The following BAIAP2 variants were observed in gnomAD, a reference collection of about 807,000 sequenced individuals.
BAIAP2 encodes BAR/IMD domain containing adaptor protein 2.
BAIAP2 carries 18 observed loss-of-function variants against 63.0 expected under a neutral mutation model. The observed-to-expected ratio is 0.29, with a 90% CI of 0.20 to 0.42. BAIAP2 has a LOEUF of 0.42. Among genes scored for constraint, BAIAP2 ranks in the 10% least tolerant of loss-of-function variants. The pLI is 1.00. For missense variants in BAIAP2, 610 were observed against 734.3 expected (o/e 0.83, Z 1.96); for synonymous variants, 386 against 307.6 (o/e 1.25, Z -2.67).
intron 1 of BAIAP2, among the ~76,000 whole-genome samples, chr17:81,050,648 G>T (rs1033907801): frequency 6.6e-6 from 1 of 151,796 alleles, no homozygotes; most frequent in Non-Finnish European, 1.5e-5. Flanking sequence ...GCCCACCTCC[G>T]TGGTAGTGTT....
At position 81,115,839 on chromosome 17, in the gene BAIAP2, ATGGCCACATCTGCAGTGCTGCCCATCTGG is replaced by A; in HGVS notation, c.*5_*33del. ...ACAGGTCTGCCCCCCTCCTCAGCTG[ATGGCCACATCTGCAGTGCTGCCCATCTGG>A]TGGCTTCCCCCGCCCTTCCCATGTA... On this transcript the variant is annotated 3_prime_UTR_variant, in exon 14 of 14. Transcript: ENST00000428708. 2 of 1,613,224 alleles carry A rather than the reference ATGGCCACATCTGCAGTGCTGCCCATCTGG, an allele frequency of 1.2e-6. No individual in the cohort carries two copies. Among genetic ancestry groups the A allele is most frequent in the South Asian group, 2.2e-5 (2 of 91,072 alleles).
intron 6 of BAIAP2, among the ~76,000 whole-genome samples, chr17:81,090,231 C>A (rs1361041369): frequency 3.3e-5 from 5 of 152,192 alleles, no homozygotes; most frequent in Non-Finnish European, 1.5e-5. Context: ...CTCAGTTTCC[C>A]CATTTGTGAG....
intron 3 of BAIAP2, among the ~76,000 whole-genome samples, chr17:81,066,507 C>A (rs959673198): frequency 2.0e-5 from 3 of 152,196 alleles, no homozygotes; most frequent in Non-Finnish European, 4.4e-5. Flanking sequence ...GGGCCTGGGG[C>A]CCCCACAGGT....
intron 1 of BAIAP2, among the ~76,000 whole-genome samples, chr17:81,035,720 G>A (rs1223176979): frequency 6.6e-6 from 1 of 151,940 alleles, no homozygotes; most frequent in East Asian, 1.9e-4. Context: ...GGCGGCGGGG[G>A]CGGCGGGCCC....
chr17:81,098,354 C>T (rs748468163), intron 6 of BAIAP2, among the ~76,000 whole-genome samples: 3 of 152,172 alleles, frequency 2.0e-5, no homozygotes, highest in Admixed American at 6.5e-5. Flanking sequence ...CCGAGGCTCA[C>T]GTTGGAGAGG....
At chr17:81,098,217 G>GC (rs2057966300) in intron 6 of BAIAP2, 5 of 1,316,150 alleles carry the variant, frequency 3.8e-6, no homozygotes, top group Non-Finnish European at 4.9e-6. Context: ...AACAAGCCCT[G>GC]CACCCATGGG....
rs148691072 is a variant in BAIAP2, at chr17:81,063,540, G to A, written c.217+5573G>A. Among the ~76,000 whole-genome samples, 16 of 152,316 alleles carry A rather than the reference G, an allele frequency of 1.1e-4. No individual in the cohort carries two copies. The East Asian group carries it at 2.5e-3, about 24-fold the overall frequency. On this transcript the variant is annotated intron_variant, in intron 3 of 13. Transcript: ENST00000428708. ...TCCACAAGGCCCCGTGGGGTTGTGCGGCAGCCACTTGGGCAGTAAGTGAAG... is the reference window on the plus strand; with the variant it reads ...TCCACAAGGCCCCGTGGGGTTGTGCAGCAGCCACTTGGGCAGTAAGTGAAG...
chr17:81,052,723 G>GA, intron 1 of BAIAP2, among the ~76,000 whole-genome samples: 1 of 152,254 alleles, frequency 6.6e-6, no homozygotes, highest in South Asian at 2.1e-4. Flanking sequence ...GGTGCTGGGA[G>GA]AGGGGGTGGG....
intron 6 of BAIAP2, chr17:81,087,675 G>C (rs139709172): frequency 1.3e-5 from 2 of 152,226 alleles, no homozygotes; most frequent in South Asian, 2.1e-4. Context: ...ACAGCCATAC[G>C]GGGGAGCTGG....
At chr17:81,087,183 A>G (rs2055817925) in intron 6 of BAIAP2, among the ~76,000 whole-genome samples, 1 of 152,218 alleles carries the variant, frequency 6.6e-6, no homozygotes, top group African/African-American at 2.4e-5. Context: ...AGAAAGAAAC[A>G]CAAAACAAGA....
chr17:81,073,216 G>T (rs572561100), intron 3 of BAIAP2, among the ~76,000 whole-genome samples: 1 of 152,098 alleles, frequency 6.6e-6, no homozygotes, highest in Non-Finnish European at 1.5e-5. Context: ...CCTCCTTCTC[G>T]GACCTTCCCC....
At chr17:81,111,096 C>T (rs2146132013) in intron 13 of BAIAP2, 1 of 1,035,560 alleles carries the variant, frequency 9.7e-7, no homozygotes, top group Non-Finnish European at 1.5e-6. Flanking sequence ...GCCTGCCTCT[C>T]ACTCTGGGTG....
At chr17:81,104,146 GA>G (rs748977857) in intron 9 of BAIAP2, 38 bp downstream of exon 9, 1 of 1,607,354 alleles carries the variant, frequency 6.2e-7, no homozygotes, top group East Asian at 2.2e-5. Flanking sequence ...GGGGTCCCTG[GA>G]CGTGCCTCCT....
rs576717343 is a variant in BAIAP2, at chr17:81,109,207, G to A, written c.1535+698G>A. The A allele has an allele frequency of 1.4e-4, 192 of 1,403,300 alleles. 3 individuals carry two copies. In the South Asian group the frequency reaches 2.6e-3, roughly 19 times the overall value. 86.9% of individuals were successfully genotyped at this position (1,403,300 alleles called of 1,614,324 possible). ...TCCGCCCCCCCTCCCCTGTGTTTAC[G>A]CGCCCCATCCTGTGTGTCCCAGCCT... On this transcript the variant is annotated intron_variant, in intron 13 of 13. Coordinates refer to ENST00000428708, the MANE Select transcript of BAIAP2 (RefSeq NM_001144888.2).
At chr17:81,107,043 C>CT in intron 12 of BAIAP2, 136 bp downstream of exon 12, 1 of 1,109,012 alleles carries the variant, frequency 9.0e-7, no homozygotes, top group African/African-American at 1.6e-5. Flanking sequence ...GGGGTGAAGG[C>CT]TGCATGATTT....
At chr17:81,036,782 G>A (rs972771947) in intron 1 of BAIAP2, 2 of 1,246,316 alleles carry the variant, frequency 1.6e-6, no homozygotes, top group African/African-American at 3.0e-5. Context: ...TTGTTGCTCT[G>A]TGGAAGCACA....
intron 2 of BAIAP2, chr17:81,057,575 C>G (rs561062930): frequency 1.9e-6 from 2 of 1,061,312 alleles, no homozygotes; most frequent in East Asian, 5.4e-5. Flanking sequence ...CTCCCTCCCC[C>G]CGGCCCTGCC....
intron 6 of BAIAP2, among the ~76,000 whole-genome samples, chr17:81,089,585 G>A (rs1568146427): frequency 2.7e-4 from 3 of 10,964 alleles, no homozygotes; most frequent in East Asian, 3.2e-3. Context: ...GTTTCCCAAC[G>A]GCTGCCACAG....
chr17:81,109,517 G>A (rs1472265647), intron 13 of BAIAP2: 37 of 985,562 alleles, frequency 3.8e-5, no homozygotes, highest in East Asian at 3.4e-4. Flanking sequence ...GCCTCTGTCC[G>A]GACAGGGAAG....
Sources: gnomAD v4.1 joint callset for allele counts (sites outside exome capture counted in the v4.1 genomes callset) on GRCh38, gnomAD v4.1.1 for gene constraint, MANE v1.5 for transcripts, NCBI Gene and HGNC (gene_info 2026-07-23, HGNC 2026-07-21) for gene names.